Variants in OSBPL2 observed in about 807,000 individuals in gnomAD.
The protein encoded by OSBPL2 is oxysterol binding protein like 2, also known as oxysterol-binding protein-related protein 2.
In OSBPL2, 18 loss-of-function variants were observed where a neutral mutation model predicts 58.4. That is an observed-to-expected ratio of 0.31 (90% confidence interval 0.21 to 0.46). OSBPL2 has a LOEUF of 0.46. OSBPL2 is among the 20% of genes least tolerant of loss of function. The pLI is 1.00. For synonymous variants in OSBPL2, 221 were observed against 234.1 expected (o/e 0.94, Z 0.51); for missense variants, 461 against 616.5 (o/e 0.75, Z 2.67).
chr20:62,248,580 A>T (rs200758034), intron 1 of OSBPL2, among the ~76,000 whole-genome samples: 1 of 152,230 alleles, frequency 6.6e-6, no homozygotes, highest in East Asian at 1.9e-4. Context: ...GGACAGAGTA[A>T]CAACATGTAA....
In OSBPL2 at chr20:62,291,726, C is replaced by T. The variant is rs776496055; in HGVS notation, c.1273C>T (p.Arg425Trp). 4 of 1,613,398 alleles carry T rather than the reference C, an allele frequency of 2.5e-6. No individual in the cohort carries two copies. Among genetic ancestry groups the T allele is most frequent in the South Asian group, 1.1e-5 (1 of 91,084 alleles). ...NMDLASQEKE[R>W]LEEKQREARR... The stretch of plus-strand genomic sequence containing the variant: ...AGATCTGGCCAGCCAGGAGAAGGAG[C>T]GGCTGGAGGAGAAGCAGAGAGAAGC... Residue 425 changes from arginine (R) to tryptophan (W), a missense_variant, in exon 13 of 14, where the codon CGG becomes TGG. By Grantham distance (101) the Arg-to-Trp change is moderately radical (BLOSUM62 -3). Around this residue, in one of 5 missense-constraint regions of OSBPL2, gnomAD observed 319 missense variants for 419.2 expected, o/e 0.76. Coordinates refer to ENST00000313733, the MANE Select transcript of OSBPL2 (RefSeq NM_144498.4).
intron 11 of OSBPL2, 142 bp downstream of exon 11, chr20:62,286,853 C>T: frequency 1.0e-6 from 1 of 994,200 alleles, no homozygotes; most frequent in Admixed American, 2.7e-5. Context: ...ACAGGGGCCT[C>T]CGCCATTGTC....
At chr20:62,273,603 CTGAG>C (rs1026033035) in intron 6 of OSBPL2, among the ~76,000 whole-genome samples, 197 bp downstream of exon 6, 11 of 152,208 alleles carry the variant, frequency 7.2e-5, no homozygotes, top group African/African-American at 1.4e-4. Flanking sequence ...GCCACGGCGT[CTGAG>C]TGAGTGTAAA....
Position 62,293,926 on chromosome 20 carries a change from C to T in OSBPL2, c.*39C>T, listed in dbSNP as rs557223584. 1.6e-5 allele frequency: 25 copies of T among 1,602,472 alleles called. No homozygotes were observed. Among genetic ancestry groups the T allele is most frequent in the African/African-American group, 1.2e-4 (9 of 74,406 alleles). On this transcript the variant is annotated 3_prime_UTR_variant, in exon 14 of 14. Coordinates refer to ENST00000313733, the MANE Select transcript of OSBPL2 (RefSeq NM_144498.4). Reference sequence around the variant, plus strand: ...CCTGGGGCCCGGGACCGGAGGCTGACGAGGCTGGACTTCCTCGAGTGGCCA... The same window carrying T: ...CCTGGGGCCCGGGACCGGAGGCTGATGAGGCTGGACTTCCTCGAGTGGCCA...
At chr20:62,246,213 C>T (rs1380642001) in intron 1 of OSBPL2, among the ~76,000 whole-genome samples, 1 of 152,254 alleles carries the variant, frequency 6.6e-6, no homozygotes, top group Non-Finnish European at 1.5e-5. Flanking sequence ...GGCTCAGCCC[C>T]ATGGGGCCCC....
Position 62,288,462 on chromosome 20 carries a change from C to T in OSBPL2, c.1126-745C>T, listed in dbSNP as rs1404260419. Among the ~76,000 whole-genome samples the T allele has an allele frequency of 1.4e-5, 2 of 141,852 alleles. No homozygotes were observed. Among genetic ancestry groups the T allele is most frequent in the Non-Finnish European group, 3.0e-5 (2 of 65,658 alleles). 93.1% of individuals were successfully genotyped at this position (141,852 alleles called of 152,430 possible). A position where few individuals can be genotyped will look rare whatever the true frequency, so the allele number is the denominator to read the frequency against. The stretch of plus-strand genomic sequence containing the variant: ...TGCAGAGGCTGGGAGGCTGTGGGTA[C>T]AGAGGCCGGAGGCTGTGGGTGCAGA... On this transcript the variant is annotated intron_variant, in intron 11 of 13. Transcript: ENST00000313733. The surrounding 1 kb of genome is among the most constrained non-coding windows in gnomAD (Gnocchi z 4.8).
At chr20:62,290,506 T>A (rs1361868487) in intron 12 of OSBPL2, among the ~76,000 whole-genome samples, 1 of 142,178 alleles carries the variant, frequency 7.0e-6, no homozygotes, top group Non-Finnish European at 1.5e-5. Context: ...AAGCTCCGCC[T>A]TCTGGGTTCA....
chr20:62,263,790 G>A (rs1347713431), intron 4 of OSBPL2, 99 bp downstream of exon 4: 10 of 1,091,642 alleles, frequency 9.2e-6, no homozygotes, highest in Non-Finnish European at 1.3e-5. Flanking sequence ...TCTTGGCCGG[G>A]CGCGGTGGCT....
At chr20:62,246,130 C>T (rs560932259) in intron 1 of OSBPL2, among the ~76,000 whole-genome samples, 4 of 152,368 alleles carry the variant, frequency 2.6e-5, no homozygotes, top group African/African-American at 4.8e-5. Flanking sequence ...CCTCTGCTCT[C>T]GCTGCTGCCG....
rs773529857 is a variant in OSBPL2 at position 62,281,105 on chromosome 20, A to G, written c.722A>G (p.Asn241Ser). ...TWTNPTCCVH[N>S]VIIGKLWIEQ... The stretch of plus-strand genomic sequence containing the variant: ...ACCAACCCCACCTGCTGCGTCCACA[A>G]CGTCATCATCGGGAAGCTGTGGATA... The change falls in exon 8 of 14, where the codon AAC becomes AGC. Residue 241 changes from asparagine (N) to serine (S), a missense_variant. This residue lies in a region of OSBPL2 where 319 missense variants were observed against 419.2 expected (regional missense o/e 0.76). Coordinates refer to ENST00000313733, the MANE Select transcript of OSBPL2 (RefSeq NM_144498.4). The G allele has an allele frequency of 2.5e-6, 4 of 1,614,218 alleles. No individual in the cohort carries two copies. Among genetic ancestry groups the G allele is most frequent in the Admixed American group, 1.7e-5 (1 of 60,036 alleles).
In OSBPL2 at chr20:62,294,182, T is replaced by G. The variant is rs1291604587; in HGVS notation, c.*295T>G. 2.1e-6 allele frequency: 1 copy of G among 472,766 alleles called. No homozygotes were observed. The highest frequency in any genetic ancestry group is 4.1e-5 in the East Asian group (1 of 24,626). 29.3% of individuals were successfully genotyped at this position (472,766 alleles called of 1,614,324 possible). A position where few individuals can be genotyped will look rare whatever the true frequency, so the allele number is the denominator to read the frequency against. On this transcript the variant is annotated 3_prime_UTR_variant, in exon 14 of 14. Transcript: ENST00000313733. ...GTGGCAGAAATCAGCTGGGGCTTGT[T>G]TAGCTTCCAGCACACTCTCAGTCAT...
intron 2 of OSBPL2, chr20:62,258,933 T>C (rs1981113481): frequency 6.6e-6 from 1 of 152,234 alleles, no homozygotes; most frequent in South Asian, 2.1e-4. Flanking sequence ...CCTCTCAAAA[T>C]CACGATGTCA....
At chr20:62,289,441 C>T (rs1226452910) in intron 12 of OSBPL2, 111 bp downstream of exon 12, 1 of 1,280,398 alleles carries the variant, frequency 7.8e-7, no homozygotes, top group East Asian at 2.5e-5. Flanking sequence ...ACAAGGGGAG[C>T]CCCGTCCCTC....
At chr20:62,286,944 C>T (rs548425982) in intron 11 of OSBPL2, among the ~76,000 whole-genome samples, 2 of 152,346 alleles carry the variant, frequency 1.3e-5, no homozygotes, top group East Asian at 1.9e-4. Flanking sequence ...GGCTGGGCAC[C>T]GCTGCTCCAT....
intron 1 of OSBPL2, among the ~76,000 whole-genome samples, chr20:62,251,817 G>A (rs918956231): frequency 2.1e-5 from 3 of 143,930 alleles, no homozygotes; most frequent in Non-Finnish European, 4.5e-5. Context: ...CTGCCTGTGT[G>A]TAGGCCTTGT....
intron 6 of OSBPL2, 58 bp downstream of exon 6, chr20:62,273,464 A>G: frequency 1.6e-6 from 2 of 1,273,940 alleles, no homozygotes; most frequent in South Asian, 2.5e-5. Flanking sequence ...TGGATGACAG[A>G]TAAGTTTGAT....
rs749528219 is a variant in OSBPL2 at position 62,291,762 on chromosome 20, C to T, written c.1309C>T (p.Arg437Trp). 1.9e-6 allele frequency: 3 copies of T among 1,608,792 alleles called. No homozygotes were observed. The highest frequency in any genetic ancestry group is 2.2e-5 in the South Asian group (2 of 90,982). The change falls in exon 13 of 14, where the codon CGG (arginine) becomes TGG (tryptophan). Residue 437 changes from arginine to tryptophan, a missense_variant. By Grantham distance (101) the Arg-to-Trp change is moderately radical. Transcript: ENST00000313733. ...GAAGCAGAGAGAAGCACGGAGGGAG[C>T]GGGCCAAGGAGGAGGCAGAGTGGCA... ...EEKQREARRE[R>W]AKEEAEWQTR...
rs974274761 is a variant in OSBPL2 at position 62,269,979 on chromosome 20, G to T, written c.259-2146G>T. ...CCTGAGCCGCAGGCTCTGTGCGTCT[G>T]CCCTGTGCTCTCAGCCTCGGTCCCT... On this transcript the variant is annotated intron_variant, in intron 4 of 13. Coordinates refer to ENST00000313733, the MANE Select transcript of OSBPL2 (RefSeq NM_144498.4). This position sits in a 1 kb window ranked among gnomAD's most constrained non-coding sequence, Gnocchi z 4.2. Among the ~76,000 whole-genome samples, 2 of 152,254 alleles carry T rather than the reference G, an allele frequency of 1.3e-5. No individual in the cohort carries two copies. Among genetic ancestry groups the T allele is most frequent in the African/African-American group, 4.8e-5 (2 of 41,480 alleles).
intron 9 of OSBPL2, among the ~76,000 whole-genome samples, chr20:62,283,352 C>G (rs1251660195): frequency 1.3e-5 from 2 of 152,190 alleles, no homozygotes; most frequent in Non-Finnish European, 2.9e-5. Context: ...GACACCGTCC[C>G]CTCCTGGGTC....
Sources: gnomAD v4.1 joint callset for allele counts (sites outside exome capture counted in the v4.1 genomes callset) on GRCh38, gnomAD v4.1.1 for gene constraint, gnomAD v4.1.1 regional missense constraint, Gnocchi (gnomAD v3.1) non-coding constraint, MANE v1.5 for transcripts, NCBI Gene and HGNC (gene_info 2026-07-23, HGNC 2026-07-21) for gene names.